PTPRT: variants seen among roughly 807,000 people sequenced by gnomAD.
The protein encoded by PTPRT is protein tyrosine phosphatase receptor type T.
In PTPRT, 56 loss-of-function variants were observed where a neutral mutation model predicts 176.8. The observed-to-expected ratio is 0.32, with a 90% CI of 0.26 to 0.40. The LOEUF is 0.40. Ranked by LOEUF, PTPRT falls within the 10% of genes least tolerant of loss-of-function variation. The pLI is 1.00. For missense variants in PTPRT, 1,540 were observed against 1,908.2 expected (o/e 0.81, Z 3.60); for synonymous variants, 783 against 739.0 (o/e 1.06, Z -0.96).
At chr20:42,735,657 G>C (rs1335925103) in intron 6 of PTPRT, among the ~76,000 whole-genome samples, 8 of 152,150 alleles carry the variant, frequency 5.3e-5, no homozygotes, top group Admixed American at 3.9e-4. Flanking sequence ...CACTTGAAAA[G>C]AGCAATTAGA....
intron 1 of PTPRT, among the ~76,000 whole-genome samples, chr20:42,936,534 G>C (rs980136704): frequency 1.3e-5 from 2 of 152,214 alleles, no homozygotes; most frequent in African/African-American, 4.8e-5. Context: ...TGAGACACAG[G>C]AGTGATATAA....
intron 1 of PTPRT, among the ~76,000 whole-genome samples, chr20:43,000,340 C>T (rs1348937907): frequency 1.3e-5 from 2 of 149,448 alleles, no homozygotes; most frequent in African/African-American, 4.9e-5. Context: ...ACTTCCATTC[C>T]AAAACGAGTT....
At chr20:42,598,263 G>A (rs1279627043) in intron 7 of PTPRT, among the ~76,000 whole-genome samples, 2 of 152,096 alleles carry the variant, frequency 1.3e-5, no homozygotes, top group African/African-American at 4.8e-5. Context: ...ACCTAAAATT[G>A]TAAAATAACA....
chr20:42,801,118 G>C (rs1171816953), intron 2 of PTPRT, among the ~76,000 whole-genome samples: 1 of 152,170 alleles, frequency 6.6e-6, no homozygotes, highest in Non-Finnish European at 1.5e-5. Context: ...GAGTTACTCT[G>C]AGCTTTGCAA....
At chr20:42,452,840 C>T (rs866639264) in intron 8 of PTPRT, among the ~76,000 whole-genome samples, 3 of 152,108 alleles carry the variant, frequency 2.0e-5, no homozygotes, top group Non-Finnish European at 2.9e-5. Context: ...ACACCTTACA[C>T]GTTAATATTT....
intron 2 of PTPRT, among the ~76,000 whole-genome samples, chr20:42,876,554 A>T (rs2078934888): frequency 6.6e-6 from 1 of 152,116 alleles, no homozygotes; most frequent in Admixed American, 6.6e-5. Context: ...AGGACCTGGG[A>T]CCAAGTGGCC....
chr20:42,575,963 C>T lies in PTPRT; in HGVS notation c.1153+101903G>A, dbSNP rs537008554. On this transcript the variant is annotated intron_variant, in intron 7 of 30. Coordinates refer to ENST00000373187, the MANE Select transcript of PTPRT (RefSeq NM_007050.6). ...GAGCATATAAAATGCAGTTCTGATC[C>T]TGTCACCTCTCTGCTTAAAACTCTT... 2.0e-5 allele frequency among the ~76,000 whole-genome samples: 3 copies of T among 152,260 alleles called. No individual in the cohort carries two copies. The South Asian group carries it at 6.2e-4, about 32-fold the overall frequency.
At chr20:42,265,703 A>G (rs1041293094) in intron 13 of PTPRT, among the ~76,000 whole-genome samples, 33 of 151,896 alleles carry the variant, frequency 2.2e-4, no homozygotes, top group Middle Eastern at 3.4e-3. Context: ...AACCCCTTCC[A>G]CTGGGCACAT....
In PTPRT at chr20:42,286,280, T is replaced by C. The variant is rs12329427; in HGVS notation, c.2140-3755A>G. Among the ~76,000 whole-genome samples the C allele has an allele frequency of 2.9e-3, 434 of 152,118 alleles. 2 individuals carry two copies. Among genetic ancestry groups the C allele is most frequent in the African/African-American group, 9.6e-3 (399 of 41,548 alleles). On this transcript the variant is annotated intron_variant, in intron 12 of 30. Transcript: ENST00000373187. ...AGACCGCAAATAGCCAAAACAGTCC[T>C]GAGCAAAAAGAACAAAGCTAGAGGT...
Position 42,464,598 on chromosome 20 carries a change from A to G in PTPRT, c.1450+7668T>C, listed in dbSNP as rs1467753742. 3.3e-5 allele frequency among the ~76,000 whole-genome samples: 5 copies of G among 152,158 alleles called. No homozygotes were observed. The East Asian group carries it at 9.6e-4, about 29-fold the overall frequency. On this transcript the variant is annotated intron_variant, in intron 8 of 30. Coordinates refer to ENST00000373187, the MANE Select transcript of PTPRT (RefSeq NM_007050.6). Reference sequence around the variant, plus strand: ...TTCATAGTGTGCACTTGAAAAACATAATTGCATTTCTCTTTGCCCTTTATA... The same window carrying G: ...TTCATAGTGTGCACTTGAAAAACATGATTGCATTTCTCTTTGCCCTTTATA...
At chr20:42,257,322 C>T (rs1389348003) in intron 13 of PTPRT, among the ~76,000 whole-genome samples, 1 of 152,182 alleles carries the variant, frequency 6.6e-6, no homozygotes, top group East Asian at 1.9e-4. Flanking sequence ...GTCAAGATAT[C>T]TGACCACATG....
At chr20:42,093,069 C>T (rs1984804496) in intron 27 of PTPRT, among the ~76,000 whole-genome samples, 1 of 152,208 alleles carries the variant, frequency 6.6e-6, no homozygotes, top group African/African-American at 2.4e-5. Flanking sequence ...ATGTGGACAT[C>T]TCTGGTGGGG....
At chr20:43,090,353 C>T (rs568809879) in intron 1 of PTPRT, among the ~76,000 whole-genome samples, 45 of 151,936 alleles carry the variant, frequency 3.0e-4, no homozygotes, top group Non-Finnish European at 4.1e-4. Flanking sequence ...CTGCAAGCTC[C>T]GCCTCCCGGG....
chr20:43,173,896 G>C (rs1246922997), intron 1 of PTPRT, among the ~76,000 whole-genome samples: 1 of 152,164 alleles, frequency 6.6e-6, no homozygotes, highest in Admixed American at 6.5e-5. Flanking sequence ...GACATCACAT[G>C]GTGATTAAGA....
At chr20:43,007,741 A>G (rs757463703) in intron 1 of PTPRT, among the ~76,000 whole-genome samples, 1 of 152,208 alleles carries the variant, frequency 6.6e-6, no homozygotes, top group South Asian at 2.1e-4. Flanking sequence ...TTTCAAATGC[A>G]GGCAGAATCA....
At chr20:42,102,336 T>C in intron 25 of PTPRT, 39 bp from the exon 26 acceptor site, 1 of 1,591,482 alleles carries the variant, frequency 6.3e-7, no homozygotes. Context: ...CCCTGCTCAT[T>C]TGGCTGCCCC....
At chr20:42,156,654 T>G (rs532053930) in intron 17 of PTPRT, among the ~76,000 whole-genome samples, 14 of 152,348 alleles carry the variant, frequency 9.2e-5, no homozygotes, top group African/African-American at 3.1e-4. Context: ...CCCATTTCCA[T>G]TAGAGGCAGC....
intron 7 of PTPRT, among the ~76,000 whole-genome samples, chr20:42,617,411 G>C (rs1402287213): frequency 7.5e-6 from 1 of 133,070 alleles, no homozygotes; most frequent in Non-Finnish European, 1.6e-5. Context: ...TTTTTTGGTT[G>C]TGTCTCTGCC....
Position 42,079,735 on chromosome 20 carries a change from T to C in PTPRT, c.*1144A>G, listed in dbSNP as rs575819276. ...GTTTCTTTAGGAAGGAGTTCAAATT[T>C]GGACATCCAAATTATGCACAAAGCT... On this transcript the variant is annotated 3_prime_UTR_variant, in exon 31 of 31. Transcript: ENST00000373187. 1.7e-5 allele frequency: 4 copies of C among 229,440 alleles called. No individual in the cohort carries two copies. The South Asian group carries it at 7.3e-4, about 42-fold the overall frequency. 14.2% of individuals were successfully genotyped at this position (229,440 alleles called of 1,614,324 possible). A position where few individuals can be genotyped will look rare whatever the true frequency, so the allele number is the denominator to read the frequency against.
Sources: allele counts gnomAD v4.1 joint callset (sites outside exome capture counted in the v4.1 genomes callset), GRCh38; gene constraint gnomAD v4.1.1; transcripts MANE v1.5; gene names NCBI Gene and HGNC (gene_info 2026-07-23, HGNC 2026-07-21).